Variants in MTFR1 observed in about 807,000 individuals in gnomAD.
MTFR1 encodes the protein chondrocyte protein with a poly-proline region.
In MTFR1, 28 loss-of-function variants were observed where a neutral mutation model predicts 38.8. That is an observed-to-expected ratio of 0.72 (90% CI 0.53 to 0.99). The LOEUF is 0.99. MTFR1 is among the 50% of genes least tolerant of loss of function. MTFR1 has a pLI of 0.00. For missense variants in MTFR1, 358 were observed against 395.5 expected (o/e 0.91, Z 0.81); for synonymous variants, 145 against 137.0 (o/e 1.06, Z -0.41).
rs534467365 is a variant in MTFR1 at position 65,698,797 on chromosome 8, C to T, written c.281+5038C>T. 2.0e-5 allele frequency among the ~76,000 whole-genome samples: 3 copies of T among 151,586 alleles called. No individual in the cohort carries two copies. The East Asian group carries it at 5.9e-4, about 30-fold the overall frequency. On this transcript the variant is annotated intron_variant, in intron 4 of 7. Transcript: ENST00000262146. Reference sequence around the variant, plus strand: ...AGGCTGGAGTGCAATGGCACGATCTCGGCTCACTGCAACCTCCACCTCCTG... The same window carrying T: ...AGGCTGGAGTGCAATGGCACGATCTTGGCTCACTGCAACCTCCACCTCCTG...
chr8:65,707,775 A>G, intron 6 of MTFR1, 68 bp from the exon 7 acceptor site: 2 of 1,559,780 alleles, frequency 1.3e-6, no homozygotes, highest in South Asian at 2.5e-5. Context: ...CAAAAGGTTG[A>G]CAAAGTACTT....
At chr8:65,663,020 C>T (rs1804237676) in intron 1 of MTFR1, among the ~76,000 whole-genome samples, 1 of 152,106 alleles carries the variant, frequency 6.6e-6, no homozygotes, top group Non-Finnish European at 1.5e-5. Context: ...ACCACCCTGT[C>T]TGGGAGGTGT....
At chr8:65,754,250 C>T (rs373058314) in intron 3 of MTFR1, among the ~76,000 whole-genome samples, 51 of 152,170 alleles carry the variant, frequency 3.4e-4, no homozygotes, top group African/African-American at 1.1e-3. Flanking sequence ...GGTGCCCCCC[C>T]GCCCCAAGAT....
At chr8:65,664,772 G>C (rs116843393) in intron 1 of MTFR1, among the ~76,000 whole-genome samples, 1 of 149,434 alleles carries the variant, frequency 6.7e-6, no homozygotes, top group Non-Finnish European at 1.5e-5. Context: ...ATTTTTTGTG[G>C]AGATGGGATT....
downstream of MTFR1, among the ~76,000 whole-genome samples, chr8:65,771,884 CAAAAAAAAA>C (rs36101490): frequency 9.0e-5 from 5 of 55,836 alleles, no homozygotes; most frequent in Non-Finnish European, 1.1e-4. Context: ...CTCCATCTCT[CAAAAAAAAA>C]AAAAAAAAAA....
intron 3 of MTFR1, among the ~76,000 whole-genome samples, chr8:65,693,333 G>A (rs543073248): frequency 4.9e-4 from 75 of 151,948 alleles, no homozygotes; most frequent in Admixed American, 1.2e-3. Context: ...CCCGGGAGGC[G>A]GAGGTTGCAG....
chr8:65,737,782 G>T (rs954153919), intron 3 of MTFR1, among the ~76,000 whole-genome samples: 1 of 152,192 alleles, frequency 6.6e-6, no homozygotes, highest in Admixed American at 6.5e-5. Flanking sequence ...GCCTCCCAAA[G>T]TGCTGGGATT....
chr8:65,724,906 T>A (rs1365479448), intron 3 of MTFR1: 1 of 1,597,164 alleles, frequency 6.3e-7, no homozygotes, highest in Admixed American at 1.7e-5. Context: ...CACCTATCTG[T>A]GTCTCCATTT....
At position 65,657,880 on chromosome 8, in the gene MTFR1, A is replaced by G. The variant is rs2129048481; in HGVS notation, c.-80-11993A>G. 2.6e-5 allele frequency among the ~76,000 whole-genome samples: 4 copies of G among 152,314 alleles called. 1 individual carries two copies. In the Middle Eastern group the frequency reaches 0.01, roughly 389 times the overall value. On this transcript the variant is annotated intron_variant, in intron 1 of 7. Coordinates refer to ENST00000262146, the MANE Select transcript of MTFR1 (RefSeq NM_014637.4). ...TAGTACTCAGATCATAGTAGTTAGC[A>G]TATCCATCATCTCAAACATTTATCA...
Position 65,675,549 on chromosome 8 carries a change from A to G in MTFR1, c.66+5531A>G, listed in dbSNP as rs1295949916. ...GGGAGGCAGAGCTTGCAGTGAGCCA[A>G]GATCACGCCACTGCACTCCAGCCTG... On this transcript the variant is annotated intron_variant, in intron 2 of 7. Transcript: ENST00000262146. Among the ~76,000 whole-genome samples the G allele has an allele frequency of 5.3e-5, 8 of 152,270 alleles. 1 individual carries two copies. The highest frequency in any genetic ancestry group is 2.6e-4 in the Admixed American group (4 of 15,288).
chr8:65,750,476 G>C (rs1180887629), intron 3 of MTFR1, among the ~76,000 whole-genome samples: 2 of 122,728 alleles, frequency 1.6e-5, no homozygotes, highest in East Asian at 3.0e-4. Context: ...TAGAATCACT[G>C]TGTGTGTGTG....
At chr8:65,664,662 C>A (rs534998924) in intron 1 of MTFR1, among the ~76,000 whole-genome samples, 2 of 146,658 alleles carry the variant, frequency 1.4e-5, no homozygotes, top group Non-Finnish European at 3.0e-5. Context: ...AGTGGCACAA[C>A]CTCAGCCCAT....
chr8:65,730,270 T>C (rs1416436031), intron 3 of MTFR1, among the ~76,000 whole-genome samples: 3 of 129,190 alleles, frequency 2.3e-5, no homozygotes, highest in Non-Finnish European at 3.1e-5. Flanking sequence ...AACCTCCACC[T>C]CCCGGGTTTA....
chr8:65,646,066 G>A (rs1372041839), intron 1 of MTFR1, among the ~76,000 whole-genome samples: 1 of 152,134 alleles, frequency 6.6e-6, no homozygotes, highest in Non-Finnish European at 1.5e-5. Flanking sequence ...CAAAATCAGA[G>A]TTACCAGATA....
intron 1 of MTFR1, among the ~76,000 whole-genome samples, chr8:65,657,632 G>C (rs1809304213): frequency 6.6e-6 from 1 of 151,852 alleles, no homozygotes; most frequent in Admixed American, 6.6e-5. Flanking sequence ...CGAGCCCCAG[G>C]AGTTTGAGGC....
At chr8:65,688,004 G>A (rs1805145291) in intron 3 of MTFR1, among the ~76,000 whole-genome samples, 1 of 151,492 alleles carries the variant, frequency 6.6e-6, no homozygotes, top group South Asian at 2.1e-4. Context: ...GGAGACTGAG[G>A]CAGGAGAATC....
chr8:65,709,292 A>C lies in MTFR1; in HGVS notation c.*248A>C. On this transcript the variant is annotated 3_prime_UTR_variant, in exon 8 of 8. Coordinates refer to ENST00000262146, the MANE Select transcript of MTFR1 (RefSeq NM_014637.4). ...TTTCTAATATGTGGCCAGGGCGTTC[A>C]GATTTCCAGTTTTGAAAACAATTGT... 2.4e-6 allele frequency: 1 copy of C among 411,214 alleles called. No homozygotes were observed. Among genetic ancestry groups the C allele is most frequent in the Non-Finnish European group, 4.4e-6 (1 of 227,724 alleles). 25.5% of individuals were successfully genotyped at this position (411,214 alleles called of 1,614,324 possible). A position where few individuals can be genotyped will look rare whatever the true frequency, so the allele number is the denominator to read the frequency against.
intron 1 of MTFR1, among the ~76,000 whole-genome samples, chr8:65,648,231 A>G (rs547962199): frequency 6.6e-6 from 1 of 152,210 alleles, no homozygotes; most frequent in East Asian, 1.9e-4. Flanking sequence ...GTTAGCCAGT[A>G]TGGTCTCGAT....
chr8:65,760,095 C>G lies in MTFR1; in HGVS notation c.*49-10852C>G, dbSNP rs1808421196. Reference sequence around the variant, plus strand: ...TCTCTACTAAAAATGCAAAAATTATCTGGGTGTGGTGGTGGTCGCCTGTAA... The same window carrying G: ...TCTCTACTAAAAATGCAAAAATTATGTGGGTGTGGTGGTGGTCGCCTGTAA... On this transcript the variant is annotated intron_variant, in intron 3 of 3. Transcript: ENST00000521247. 1.3e-5 allele frequency among the ~76,000 whole-genome samples: 2 copies of G among 152,044 alleles called. 1 individual carries two copies. The highest frequency in any genetic ancestry group is 4.1e-4 in the South Asian group (2 of 4,826).
Sources: allele counts gnomAD v4.1 joint callset (sites outside exome capture counted in the v4.1 genomes callset), GRCh38; gene constraint gnomAD v4.1.1; transcripts MANE v1.5; gene names NCBI Gene and HGNC (gene_info 2026-07-23, HGNC 2026-07-21).